Variants in SCFD2 observed in about 807,000 individuals in gnomAD.
The protein encoded by SCFD2 is sec1 family domain-containing protein 2.
SCFD2 carries 54 observed loss-of-function variants against 58.9 expected under a neutral mutation model. That is an observed-to-expected ratio of 0.92 (90% CI 0.74 to 1.15). The LOEUF (loss-of-function observed/expected upper bound fraction) is 1.15, where lower values mean the gene tolerates loss of function less well. Ranked by LOEUF, SCFD2 falls within the 50% of genes most tolerant of loss-of-function variation. The probability of loss-of-function intolerance (pLI) is 0.00; values close to 1 mark genes in which losing one functional copy is unlikely to be tolerated. For synonymous variants in SCFD2, 321 were observed against 335.9 expected (o/e 0.96, Z 0.49); for missense variants, 805 against 836.6 (o/e 0.96, Z 0.47).
intron 5 of SCFD2, among the ~76,000 whole-genome samples, chr4:53,116,094 T>C (rs1366532324): frequency 6.6e-6 from 1 of 152,160 alleles, no homozygotes. Flanking sequence ...TCACTAACCA[T>C]AGCTATTCAG....
chr4:53,023,435 C>G (rs1422349312), intron 5 of SCFD2, among the ~76,000 whole-genome samples: 1 of 151,898 alleles, frequency 6.6e-6, no homozygotes, highest in Non-Finnish European at 1.5e-5. Context: ...GTAGGAGGTA[C>G]CAAGAATTCA....
intron 4 of SCFD2, among the ~76,000 whole-genome samples, chr4:53,145,935 CA>C (rs1042944648): frequency 2.8e-4 from 42 of 151,980 alleles, no homozygotes; most frequent in South Asian, 6.2e-4. Flanking sequence ...TATTATTTAA[CA>C]AAAAAACAAA....
At chr4:53,058,969 ATGCCACT>A (rs1486523561) in intron 5 of SCFD2, among the ~76,000 whole-genome samples, 1 of 152,174 alleles carries the variant, frequency 6.6e-6, no homozygotes, top group Non-Finnish European at 1.5e-5. Flanking sequence ...ATCAAGTAGC[ATGCCACT>A]CAGTGCCACA....
intron 3 of SCFD2, among the ~76,000 whole-genome samples, chr4:53,299,274 C>T (rs4328970): frequency 0.57 from 86,540 of 152,012 alleles, 24,986 homozygotes; most frequent in Middle Eastern, 0.65. Context: ...CTGAAAACCA[C>T]GGCACGAGAA....
intron 5 of SCFD2, among the ~76,000 whole-genome samples, chr4:52,941,575 C>T (rs1237373564): frequency 6.6e-6 from 1 of 152,220 alleles, no homozygotes; most frequent in African/African-American, 2.4e-5. Flanking sequence ...CATCATTGGA[C>T]AGCGAGTATT....
chr4:53,249,335 G>A (rs1730256285), intron 4 of SCFD2, among the ~76,000 whole-genome samples: 1 of 152,186 alleles, frequency 6.6e-6, no homozygotes, highest in South Asian at 2.1e-4. Flanking sequence ...TCTGATTGGT[G>A]TACCTGAAAG....
intron 2 of SCFD2, among the ~76,000 whole-genome samples, chr4:53,345,991 C>T (rs906384481): frequency 6.6e-6 from 1 of 152,106 alleles, no homozygotes; most frequent in Non-Finnish European, 1.5e-5. Flanking sequence ...AGGAGAAATA[C>T]CTAACGTAAA....
chr4:53,224,234 C>T (rs1257910886), intron 4 of SCFD2, among the ~76,000 whole-genome samples: 1 of 151,948 alleles, frequency 6.6e-6, no homozygotes, highest in Non-Finnish European at 1.5e-5. Flanking sequence ...ACTAAAAATA[C>T]AAAAATTACC....
chr4:53,109,096 A>G (rs530664271), intron 5 of SCFD2, among the ~76,000 whole-genome samples: 1 of 152,328 alleles, frequency 6.6e-6, no homozygotes, highest in South Asian at 2.1e-4. Flanking sequence ...CATCACATAA[A>G]CAGAACCAGT....
intron 3 of SCFD2, among the ~76,000 whole-genome samples, chr4:53,302,843 A>G (rs1364702980): frequency 1.3e-5 from 2 of 152,346 alleles, no homozygotes; most frequent in African/African-American, 4.8e-5. Context: ...AAAAACAAGC[A>G]ATGGGGAAAG....
At chr4:53,244,697 G>A (rs1287960172) in intron 4 of SCFD2, among the ~76,000 whole-genome samples, 2 of 151,732 alleles carry the variant, frequency 1.3e-5, no homozygotes, top group Non-Finnish European at 2.9e-5. Flanking sequence ...AGAGAAGCAA[G>A]AGAAAACCAA....
chr4:53,140,694 A>G (rs115335407), intron 5 of SCFD2, among the ~76,000 whole-genome samples: 6 of 152,242 alleles, frequency 3.9e-5, no homozygotes, highest in Non-Finnish European at 7.4e-5. Context: ...ACAAGAACAT[A>G]ATGGGATGGT....
chr4:53,319,226 C>T (rs1732953552), intron 2 of SCFD2, among the ~76,000 whole-genome samples: 1 of 152,172 alleles, frequency 6.6e-6, no homozygotes, highest in South Asian at 2.1e-4. Flanking sequence ...GCAGGTAAAG[C>T]TCTAAGAACT....
At chr4:52,953,909 G>C (rs756862122) in intron 5 of SCFD2, among the ~76,000 whole-genome samples, 4 of 152,226 alleles carry the variant, frequency 2.6e-5, no homozygotes, top group Non-Finnish European at 5.9e-5. Context: ...CCATTTTATA[G>C]TGGAGTGGCT....
chr4:52,933,826 T>C (rs550421256), intron 5 of SCFD2, among the ~76,000 whole-genome samples: 3 of 152,234 alleles, frequency 2.0e-5, no homozygotes, highest in South Asian at 2.1e-4. Context: ...TGCAACAACA[T>C]TGGGAGGTGG....
intron 3 of SCFD2, among the ~76,000 whole-genome samples, chr4:53,283,942 C>T (rs1282402400): frequency 4.0e-5 from 6 of 151,410 alleles, no homozygotes; most frequent in African/African-American, 1.5e-4. Flanking sequence ...ACAGTGAAAC[C>T]CCCGTCTCTA....
intron 7 of SCFD2, among the ~76,000 whole-genome samples, chr4:52,896,497 T>G (rs1402573617): frequency 1.3e-5 from 2 of 152,210 alleles, no homozygotes; most frequent in Non-Finnish European, 2.9e-5. Flanking sequence ...TTCTGAGGGC[T>G]CTGTTCTGTT....
intron 5 of SCFD2, among the ~76,000 whole-genome samples, chr4:53,093,714 G>A (rs953041107): frequency 1.3e-5 from 2 of 151,156 alleles, no homozygotes; most frequent in Non-Finnish European, 2.9e-5. Flanking sequence ...AAAAACCAAG[G>A]CAGATTTCAA....
intron 4 of SCFD2, among the ~76,000 whole-genome samples, chr4:53,249,158 T>A (rs942070509): frequency 1.3e-5 from 2 of 152,070 alleles, no homozygotes; most frequent in Non-Finnish European, 2.9e-5. Context: ...ACGTGAAGAA[T>A]GCAGAAGCCT....
Sources: allele counts gnomAD v4.1 joint callset (sites outside exome capture counted in the v4.1 genomes callset), GRCh38; gene constraint gnomAD v4.1.1; transcripts MANE v1.5; gene names NCBI Gene and HGNC (gene_info 2026-07-23, HGNC 2026-07-21).